Variants in SGCB observed in about 807,000 individuals in gnomAD.
SGCB encodes the protein sarcoglycan beta.
A neutral mutation model predicts 27.3 loss-of-function variants in SGCB; 25 were observed. The ratio of observed to expected loss-of-function variants is 0.92; its 90% CI spans 0.67 to 1.28. The LOEUF (loss-of-function observed/expected upper bound fraction) is 1.28. Among genes scored for constraint, SGCB ranks in the 50% most tolerant of loss-of-function variants. SGCB has a pLI of 0.00. For synonymous variants in SGCB, 147 were observed against 133.5 expected, an observed-to-expected ratio of 1.10 and a Z score of -0.70; for missense variants, 436 against 402.1, an observed-to-expected ratio of 1.08 and a Z score of -0.72.
At chr4:52,025,447 T>C (rs1313458220) in intron 5 of SGCB, among the ~76,000 whole-genome samples, 1 of 152,022 alleles carries the variant, frequency 6.6e-6, no homozygotes, top group Non-Finnish European at 1.5e-5. Context: ...GGTAACAGTG[T>C]CTGCAAAGGC....
In SGCB at chr4:52,036,200, A is replaced by G. The variant is rs541455935; in HGVS notation, c.33+2027T>C. 8.5e-5 allele frequency among the ~76,000 whole-genome samples: 13 copies of G among 152,346 alleles called. No homozygotes were observed. The East Asian group carries it at 2.5e-3, about 29-fold the overall frequency. Reference sequence around the variant, plus strand: ...AGTTTCTAAGAAAAGCTGAAGGTTGAGTTAACTCTTGAAGGATGGACAGGA... The same window carrying G: ...AGTTTCTAAGAAAAGCTGAAGGTTGGGTTAACTCTTGAAGGATGGACAGGA... On this transcript the variant is annotated intron_variant, in intron 1 of 5. Coordinates refer to ENST00000381431, the MANE Select transcript of SGCB (RefSeq NM_000232.5).
rs778962451 is a variant in SGCB at position 52,028,078 on chromosome 4, C to G, written c.643G>C (p.Asp215His). The G allele has an allele frequency of 1.2e-6, 2 of 1,612,988 alleles. No homozygotes were observed. Among genetic ancestry groups the G allele is most frequent in the Non-Finnish European group, 1.7e-6 (2 of 1,179,120 alleles). Residue 215 changes from aspartate to histidine, a missense_variant, in exon 5 of 6, where the codon GAT (aspartate) becomes CAT (histidine). By Grantham distance (81) the Asp-to-His change is moderately conservative (BLOSUM62 -1). Coordinates refer to ENST00000381431, the MANE Select transcript of SGCB (RefSeq NM_000232.5). The stretch of plus-strand genomic sequence containing the variant: ...CGCCCATCAACTTTTATATTTAAAT[C>G]ACTGGTAGCATTGCTGGTAATCTGA... ...TERITSNATSDLNIKVDGRAI... is the reference protein window; with the variant it reads ...TERITSNATSHLNIKVDGRAI...
At position 52,023,003 on chromosome 4, in the gene SGCB, G is replaced by C. The variant is rs1736996925; in HGVS notation, c.*954C>G. ...CTTAGGTAAGTTTAAATTAACCTTT[G>C]TTCATCTTTCTAGAGTTTTAAATAA... On this transcript the variant is annotated 3_prime_UTR_variant, in exon 6 of 6. Coordinates refer to ENST00000381431, the MANE Select transcript of SGCB (RefSeq NM_000232.5). 6.6e-6 allele frequency: 1 copy of C among 152,100 alleles called. No homozygotes were observed. Among genetic ancestry groups the C allele is most frequent in the Non-Finnish European group, 1.5e-5 (1 of 68,008 alleles). 9.4% of individuals were successfully genotyped at this position (152,100 alleles called of 1,614,324 possible).
Position 52,028,063 on chromosome 4 carries a change from C to CT in SGCB, c.657dup (p.Val220SerfsTer2). ...CCACGCACAATAGCACGCCCATCAA[C>CT]TTTTATATTTAAATCACTGGTAGCA... On this transcript the variant is annotated frameshift_variant, in exon 5 of 6. Transcript: ENST00000381431. LOFTEE classifies it high-confidence loss of function. 1 of 1,613,406 alleles carries CT rather than the reference C, an allele frequency of 6.2e-7. No homozygotes were observed. Among genetic ancestry groups the CT allele is most frequent in the Non-Finnish European group, 8.5e-7 (1 of 1,179,452 alleles).
chr4:52,033,937 T>C (rs1344101490), intron 1 of SGCB, among the ~76,000 whole-genome samples: 1 of 152,138 alleles, frequency 6.6e-6, no homozygotes, highest in Non-Finnish European at 1.5e-5. Flanking sequence ...TATCCTATAG[T>C]GAGTAACTGC....
At chr4:52,035,535 C>A (rs1737363592) in intron 1 of SGCB, among the ~76,000 whole-genome samples, 1 of 152,040 alleles carries the variant, frequency 6.6e-6, no homozygotes, top group African/African-American at 2.4e-5. Context: ...GGTACAAATT[C>A]TAGTCTTTAT....
intron 4 of SGCB, among the ~76,000 whole-genome samples, chr4:52,028,508 C>T (rs564512319): frequency 3.3e-5 from 5 of 152,102 alleles, no homozygotes; most frequent in East Asian, 3.9e-4. Flanking sequence ...TGGTGGCGCG[C>T]GCCTGTAGTC....
intron 2 of SGCB, among the ~76,000 whole-genome samples, 190 bp from the exon 3 acceptor site, chr4:52,030,053 T>G (rs1737210170): frequency 6.6e-6 from 1 of 152,178 alleles, no homozygotes; most frequent in Non-Finnish European, 1.5e-5. Context: ...TACATGCAAA[T>G]AGCTAAAAGT....
At chr4:52,026,503 C>G (rs1737101138) in intron 5 of SGCB, among the ~76,000 whole-genome samples, 2 of 151,936 alleles carry the variant, frequency 1.3e-5, no homozygotes, top group African/African-American at 4.8e-5. Context: ...GTGATCCACC[C>G]GCCTTGGCTT....
At chr4:52,032,141 T>C (rs1737265145) in intron 2 of SGCB, among the ~76,000 whole-genome samples, 1 of 152,122 alleles carries the variant, frequency 6.6e-6, no homozygotes, top group Admixed American at 6.6e-5. Flanking sequence ...GGGGTAGCTG[T>C]CTAACTGCTG....
At chr4:52,029,518 CTG>C (rs1378116416) in intron 3 of SGCB, among the ~76,000 whole-genome samples, 158 bp downstream of exon 3, 2 of 152,026 alleles carry the variant, frequency 1.3e-5, no homozygotes. Context: ...ATGTTTTAAA[CTG>C]TATTCACTAT....
In SGCB at chr4:52,034,331, C is replaced by CAAAAAAAAAAAAA. The variant is rs541129158; in HGVS notation, c.34-704_34-692dup. Among the ~76,000 whole-genome samples, 8 of 26,514 alleles carry CAAAAAAAAAAAAA rather than the reference C, an allele frequency of 3.0e-4. 1 individual carries two copies. The highest frequency in any genetic ancestry group is 7.2e-4 in the African/African-American group (5 of 6,990). 17.4% of individuals were successfully genotyped at this position (26,514 alleles called of 152,430 possible). A position where few individuals can be genotyped will look rare whatever the true frequency, so the allele number is the denominator to read the frequency against. On this transcript the variant is annotated intron_variant, in intron 1 of 5. Transcript: ENST00000381431. ...TGGGCGACAGAGCGAGACTCCGTCT[C>CAAAAAAAAAAAAA]AAAAAAAAAAAAAAAAAAAAAAAAA...
chr4:52,038,188 C>T, intron 1 of SGCB, 39 bp downstream of exon 1: 3 of 1,215,040 alleles, frequency 2.5e-6, no homozygotes, highest in Non-Finnish European at 3.1e-6. Flanking sequence ...GCGGCCTCCC[C>T]CGCTCCTCCA....
chr4:52,035,215 T>G (rs1737354321), intron 1 of SGCB, among the ~76,000 whole-genome samples: 1 of 152,234 alleles, frequency 6.6e-6, no homozygotes, highest in South Asian at 2.1e-4. Context: ...CACTTTACGC[T>G]TAAACACTAA....
rs1737208669 is a variant in SGCB, at chr4:52,029,960, C to T, written c.244-97G>A. The T allele has an allele frequency of 1.6e-5, 15 of 913,662 alleles. No homozygotes were observed. The Middle Eastern group carries it at 3.3e-3, about 203-fold the overall frequency. The allele number at this position is 913,662 out of a possible 1,614,324, so 56.6% of individuals were successfully genotyped here. On this transcript the variant is annotated intron_variant, in intron 2 of 5. Coordinates refer to ENST00000381431, the MANE Select transcript of SGCB (RefSeq NM_000232.5). Reference sequence around the variant, plus strand: ...ATTATCACCAAAATGTTAAAGACCTCCTAAAATGTTTTATCAGTGAGGTAA... The same window carrying T: ...ATTATCACCAAAATGTTAAAGACCTTCTAAAATGTTTTATCAGTGAGGTAA...
At chr4:52,032,252 T>C (rs1185118607) in intron 2 of SGCB, among the ~76,000 whole-genome samples, 2 of 152,290 alleles carry the variant, frequency 1.3e-5, no homozygotes, top group Non-Finnish European at 2.9e-5. Context: ...CTTTTCAAGG[T>C]ACTGGAACTT....
chr4:52,034,110 T>C (rs1737321141), intron 1 of SGCB, among the ~76,000 whole-genome samples: 1 of 151,288 alleles, frequency 6.6e-6, no homozygotes, highest in African/African-American at 2.4e-5. Flanking sequence ...GGCGGGTGGA[T>C]CACGAGGTCA....
Position 52,029,680 on chromosome 4 carries a change from G to GTGGCAA in SGCB, c.426_427insTTGCCA (p.Gln142_Pro143insLeuPro). On this transcript the variant is annotated inframe_insertion, in exon 3 of 6. Coordinates refer to ENST00000381431, the MANE Select transcript of SGCB (RefSeq NM_000232.5). ...TTTCAGTTAATGTGGCAACTTACAG[G>GTGGCAA]CTGGTTGTTGCCAGTGATGACCAAA... 1 of 1,606,572 alleles carries GTGGCAA rather than the reference G, an allele frequency of 6.2e-7. No individual in the cohort carries two copies. Among genetic ancestry groups the GTGGCAA allele is most frequent in the Non-Finnish European group, 8.5e-7 (1 of 1,173,274 alleles).
chr4:52,032,062 C>A (rs1002364998), intron 2 of SGCB: 2 of 421,574 alleles, frequency 4.7e-6, no homozygotes. Flanking sequence ...CCTCCAGTAT[C>A]CGCAGGCAGA....
Sources: gnomAD v4.1 joint callset for allele counts (sites outside exome capture counted in the v4.1 genomes callset) on GRCh38, gnomAD v4.1.1 for gene constraint, MANE v1.5 for transcripts, NCBI Gene and HGNC (gene_info 2026-07-23, HGNC 2026-07-21) for gene names.